Variants in CSRNP3 observed in about 807,000 individuals in gnomAD.
CSRNP3 encodes the protein cysteine/serine-rich nuclear protein 3.
Under a neutral mutation model 48.0 loss-of-function variants are expected in CSRNP3, and 12 were observed. The observed-to-expected ratio is 0.25, with a 90% CI of 0.16 to 0.41. CSRNP3 has a LOEUF of 0.41. Ranked by LOEUF, CSRNP3 falls within the 10% of genes least tolerant of loss-of-function variation. The pLI is 1.00. For missense variants in CSRNP3, 580 were observed against 724.4 expected (o/e 0.80, Z 2.29); for synonymous variants, 263 against 269.7 (o/e 0.98, Z 0.24).
At chr2:165,613,925 T>A (rs952112401) in intron 4 of CSRNP3, among the ~76,000 whole-genome samples, 3 of 152,016 alleles carry the variant, frequency 2.0e-5, no homozygotes, top group African/African-American at 7.3e-5. Flanking sequence ...TTTTTTTTTT[T>A]ATTCTGTGAA....
chr2:165,670,155 C>T (rs1271316459), intron 5 of CSRNP3, among the ~76,000 whole-genome samples: 1 of 152,156 alleles, frequency 6.6e-6, no homozygotes, highest in Non-Finnish European at 1.5e-5. Flanking sequence ...TATTGTTGCT[C>T]AGCATGGAAT....
At chr2:165,513,565 C>T (rs2105228749) in intron 2 of CSRNP3, among the ~76,000 whole-genome samples, 1 of 152,314 alleles carries the variant, frequency 6.6e-6, no homozygotes, top group Middle Eastern at 3.4e-3. Flanking sequence ...TATAGCTTAT[C>T]ACCGAATCAT....
At chr2:165,492,976 A>G (rs540853363) in intron 1 of CSRNP3, among the ~76,000 whole-genome samples, 1 of 150,918 alleles carries the variant, frequency 6.6e-6, no homozygotes, top group South Asian at 2.1e-4. Flanking sequence ...TTCAGCGTAG[A>G]GGCCGACAGA....
rs888869500 is a variant in CSRNP3, at chr2:165,681,199, G to A, written c.*1446G>A. On this transcript the variant is annotated 3_prime_UTR_variant, in exon 7 of 7. Coordinates refer to ENST00000651982, the MANE Select transcript of CSRNP3 (RefSeq NM_001172173.2). ...GTAAATTAATTTAGGTAACTAAATAGTGTAATTCTGCCTTTTTTTTTCCAA... is the reference window on the plus strand; with the variant it reads ...GTAAATTAATTTAGGTAACTAAATAATGTAATTCTGCCTTTTTTTTTCCAA... 1 of 152,098 alleles carries A rather than the reference G, an allele frequency of 6.6e-6. No individual in the cohort carries two copies. The highest frequency in any genetic ancestry group is 1.5e-5 in the Non-Finnish European group (1 of 68,024). The allele number at this position is 152,098 out of a possible 1,614,324, so 9.4% of individuals were successfully genotyped here.
chr2:165,607,859 G>T (rs372070583), intron 4 of CSRNP3, among the ~76,000 whole-genome samples: 1 of 151,920 alleles, frequency 6.6e-6, no homozygotes, highest in East Asian at 1.9e-4. Context: ...TCTGACTTTG[G>T]TTAAATCATT....
At chr2:165,497,806 A>G (rs1458319620) in intron 2 of CSRNP3, among the ~76,000 whole-genome samples, 2 of 152,052 alleles carry the variant, frequency 1.3e-5, no homozygotes, top group Non-Finnish European at 2.9e-5. Flanking sequence ...CTACCTCTCT[A>G]CCAGACCACA....
chr2:165,608,298 T>C (rs562649776), intron 4 of CSRNP3, among the ~76,000 whole-genome samples: 1 of 152,142 alleles, frequency 6.6e-6, no homozygotes, highest in Non-Finnish European at 1.5e-5. Flanking sequence ...AAGGGAGTTG[T>C]ATGTGTATGT....
At chr2:165,531,050 TC>T (rs1375685123) in intron 3 of CSRNP3, among the ~76,000 whole-genome samples, 2 of 152,006 alleles carry the variant, frequency 1.3e-5, no homozygotes, top group Non-Finnish European at 2.9e-5. Flanking sequence ...CAAAATACTA[TC>T]CTAAGGGAAA....
intron 3 of CSRNP3, among the ~76,000 whole-genome samples, chr2:165,587,217 G>A (rs1277044428): frequency 6.6e-6 from 1 of 152,162 alleles, no homozygotes; most frequent in Non-Finnish European, 1.5e-5. Context: ...CTTATTTAAT[G>A]TTTTAAAATA....
intron 4 of CSRNP3, among the ~76,000 whole-genome samples, chr2:165,598,857 T>G (rs1685853233): frequency 6.6e-6 from 1 of 152,210 alleles, no homozygotes; most frequent in African/African-American, 2.4e-5. Flanking sequence ...CTTTTTTCAC[T>G]ATATTCACAT....
intron 3 of CSRNP3, among the ~76,000 whole-genome samples, chr2:165,531,143 A>G (rs1002756417): frequency 6.6e-6 from 1 of 152,154 alleles, no homozygotes; most frequent in African/African-American, 2.4e-5. Context: ...ATCTGTATGT[A>G]TACTTATTGT....
At chr2:165,621,981 C>T (rs79676415) in intron 4 of CSRNP3, among the ~76,000 whole-genome samples, 2,820 of 152,268 alleles carry the variant, frequency 0.019, 83 homozygotes, top group African/African-American at 0.065. Flanking sequence ...CATTTCCCTA[C>T]TCTCACAAAT....
chr2:165,575,306 A>G (rs1430566409), intron 3 of CSRNP3, among the ~76,000 whole-genome samples: 2 of 152,158 alleles, frequency 1.3e-5, no homozygotes, highest in African/African-American at 4.8e-5. Context: ...CTTAATTAAA[A>G]CAGTACAATC....
At chr2:165,620,627 A>C (rs78436928) in intron 4 of CSRNP3, among the ~76,000 whole-genome samples, 1 of 152,174 alleles carries the variant, frequency 6.6e-6, no homozygotes, top group Non-Finnish European at 1.5e-5. Flanking sequence ...AATCAACAGT[A>C]CAAAAATGTT....
intron 3 of CSRNP3, among the ~76,000 whole-genome samples, chr2:165,580,769 G>C (rs10193789): frequency 0.28 from 42,620 of 151,908 alleles, 6,815 homozygotes; most frequent in Admixed American, 0.41. Flanking sequence ...AAGGACAAAG[G>C]GAAACTTTTT....
At chr2:165,611,173 C>T (rs1686129660) in intron 4 of CSRNP3, among the ~76,000 whole-genome samples, 1 of 151,978 alleles carries the variant, frequency 6.6e-6, no homozygotes, top group East Asian at 1.9e-4. Flanking sequence ...TGTATATTTA[C>T]ATGCTCAGAA....
chr2:165,477,719 G>A (rs986927709), intron 1 of CSRNP3, among the ~76,000 whole-genome samples: 1 of 150,872 alleles, frequency 6.6e-6, no homozygotes, highest in Admixed American at 6.6e-5. Flanking sequence ...GCTCACACCT[G>A]TAATCCCAGC....
intron 2 of CSRNP3, among the ~76,000 whole-genome samples, chr2:165,506,997 C>G (rs76012711): frequency 6.6e-6 from 1 of 151,596 alleles, no homozygotes; most frequent in African/African-American, 2.4e-5. Context: ...ACTTTGATCT[C>G]GTAGTTCATA....
chr2:165,515,385 A>G (rs1275412127), intron 2 of CSRNP3, among the ~76,000 whole-genome samples: 2 of 150,824 alleles, frequency 1.3e-5, no homozygotes, highest in Non-Finnish European at 3.0e-5. Context: ...AGATTTCTCA[A>G]TATTTTTGCT....
Sources: gnomAD v4.1 joint callset for allele counts (sites outside exome capture counted in the v4.1 genomes callset) on GRCh38, gnomAD v4.1.1 for gene constraint, MANE v1.5 for transcripts, NCBI Gene and HGNC (gene_info 2026-07-23, HGNC 2026-07-21) for gene names.